The following USH2A variants were observed in gnomAD, a reference collection of about 807,000 sequenced individuals.
The protein encoded by USH2A is Usher syndrome 2A (autosomal recessive, mild).
A neutral mutation model predicts 538.9 loss-of-function variants in USH2A; 443 were observed. The ratio of observed to expected loss-of-function variants is 0.82; its 90% confidence interval spans 0.76 to 0.89. USH2A has a LOEUF of 0.89. Among genes scored for constraint, USH2A ranks in the 40% least tolerant of loss-of-function variants. USH2A has a pLI of 0.00. For missense variants in USH2A, 6,633 were observed against 6,324.8 expected (o/e 1.05, Z -1.65); for synonymous variants, 2,413 against 2,273.5 (o/e 1.06, Z -1.75).
chr1:216,217,687 A>G (rs2102496747), intron 14 of USH2A, 137 bp from the exon 15 acceptor site: 2 of 987,538 alleles, frequency 2.0e-6, no homozygotes, highest in East Asian at 5.3e-5. Context: ...TGCTTGAGCT[A>G]AACAAACAAA....
intron 38 of USH2A, among the ~76,000 whole-genome samples, chr1:215,901,626 T>C (rs570144006): frequency 6.6e-6 from 1 of 152,288 alleles, no homozygotes; most frequent in Non-Finnish European, 1.5e-5. Flanking sequence ...AAATCTGTTC[T>C]GACTTCAACA....
intron 21 of USH2A, among the ~76,000 whole-genome samples, chr1:216,111,470 C>G (rs527275688): frequency 3.9e-4 from 60 of 152,090 alleles, no homozygotes; most frequent in African/African-American, 1.4e-3. Context: ...CTAGGAAACA[C>G]ATGAAATAAA....
chr1:216,308,281 CA>C lies in USH2A; in HGVS notation c.1644+13601del, dbSNP rs941847123. ...GTAAAGTGTTCCACGTAGACATTTG[CA>C]AATTGTTTTCCATAGTGCAGCAGCA... On this transcript the variant is annotated intron_variant, in intron 9 of 71. Coordinates refer to ENST00000307340, the MANE Select transcript of USH2A (RefSeq NM_206933.4). 9.8e-4 allele frequency among the ~76,000 whole-genome samples: 149 copies of C among 152,312 alleles called. 1 individual carries two copies. Among genetic ancestry groups the C allele is most frequent in the African/African-American group, 3.4e-3 (143 of 41,566 alleles).
intron 13 of USH2A, among the ~76,000 whole-genome samples, chr1:216,241,994 T>C (rs1050533455): frequency 6.6e-6 from 1 of 152,194 alleles, no homozygotes; most frequent in African/African-American, 2.4e-5. Flanking sequence ...AGTATTATCG[T>C]ATTTTATTTA....
chr1:215,831,140 C>G (rs913776764), intron 47 of USH2A, among the ~76,000 whole-genome samples: 1 of 152,058 alleles, frequency 6.6e-6, no homozygotes, highest in African/African-American at 2.4e-5. Context: ...CATAATGATA[C>G]AAGAGCCAGT....
At chr1:215,639,695 A>G (rs1656613346) in intron 68 of USH2A, among the ~76,000 whole-genome samples, 1 of 152,208 alleles carries the variant, frequency 6.6e-6, no homozygotes, top group Non-Finnish European at 1.5e-5. Flanking sequence ...GACCCTTGCA[A>G]GGTCACACAG....
At chr1:215,644,104 A>G (rs183601482) in intron 67 of USH2A, among the ~76,000 whole-genome samples, 1 of 152,340 alleles carries the variant, frequency 6.6e-6, no homozygotes, top group Non-Finnish European at 1.5e-5. Context: ...GTGACAAAAA[A>G]TGCTGATTGA....
At chr1:216,384,120 GCTTT>G (rs1213208636) in intron 3 of USH2A, among the ~76,000 whole-genome samples, 2 of 150,892 alleles carry the variant, frequency 1.3e-5, no homozygotes, top group Non-Finnish European at 3.0e-5. Flanking sequence ...CTCTGCCTAT[GCTTT>G]CTTTCTTTTT....
rs189712184 is a variant in USH2A, at chr1:215,842,450, A to G, written c.9258+1844T>C. ...AAACACAATTAGACCCAGCCATCCC[A>G]TTACTGGGTATATACCCAAAGAAAT... On this transcript the variant is annotated intron_variant, in intron 46 of 71. Transcript: ENST00000307340. Among the ~76,000 whole-genome samples, 405 of 152,314 alleles carry G rather than the reference A, an allele frequency of 2.7e-3. 3 individuals carry two copies. The highest frequency in any genetic ancestry group is 2.2e-3 in the Non-Finnish European group (150 of 68,020).
At chr1:216,388,030 T>C (rs550711000) in intron 3 of USH2A, among the ~76,000 whole-genome samples, 6 of 152,268 alleles carry the variant, frequency 3.9e-5, no homozygotes, top group Admixed American at 3.9e-4. Context: ...AATAGCATTA[T>C]TGGAGAAGAG....
intron 14 of USH2A, among the ~76,000 whole-genome samples, chr1:216,225,045 T>C (rs2035534039): frequency 1.3e-5 from 2 of 152,192 alleles, no homozygotes; most frequent in Non-Finnish European, 2.9e-5. Flanking sequence ...AAACATTGTT[T>C]TAACATTAGG....
chr1:216,049,345 A>G (rs2102527328), intron 30 of USH2A, among the ~76,000 whole-genome samples: 1 of 152,318 alleles, frequency 6.6e-6, no homozygotes, highest in South Asian at 2.1e-4. Flanking sequence ...TGGTAGATAT[A>G]TGAGATTTGT....
At chr1:216,413,598 A>G in intron 3 of USH2A, among the ~76,000 whole-genome samples, 1 of 152,094 alleles carries the variant, frequency 6.6e-6, no homozygotes, top group South Asian at 2.1e-4. Flanking sequence ...CCTATCCTTC[A>G]TATATTGATT....
chr1:216,053,496 C>T (rs1450240955), intron 30 of USH2A, among the ~76,000 whole-genome samples: 1 of 141,726 alleles, frequency 7.1e-6, no homozygotes, highest in Non-Finnish European at 1.5e-5. Flanking sequence ...TATTACAAGG[C>T]AGGCCAGATG....
At chr1:215,740,441 C>A (rs1571638160) in intron 60 of USH2A, among the ~76,000 whole-genome samples, 1 of 151,460 alleles carries the variant, frequency 6.6e-6, no homozygotes, top group East Asian at 1.9e-4. Flanking sequence ...TGTCTCTTTT[C>A]TTTATTTTAG....
intron 49 of USH2A, among the ~76,000 whole-genome samples, chr1:215,804,452 C>A (rs1006407189): frequency 1.3e-5 from 2 of 151,796 alleles, no homozygotes; most frequent in African/African-American, 4.9e-5. Flanking sequence ...AAACAAACAA[C>A]CCCATCAAAA....
chr1:216,259,440 G>A (rs2036323614), intron 11 of USH2A, among the ~76,000 whole-genome samples: 1 of 152,016 alleles, frequency 6.6e-6, no homozygotes, highest in Non-Finnish European at 1.5e-5. Context: ...GCCAAATACA[G>A]TAAATTAAAT....
At chr1:215,808,182 T>G (rs1473795904) in intron 49 of USH2A, among the ~76,000 whole-genome samples, 3 of 152,150 alleles carry the variant, frequency 2.0e-5, no homozygotes, top group Admixed American at 2.0e-4. Flanking sequence ...CTAAGACATT[T>G]TTGCTTTCTT....
At chr1:215,801,857 C>G (rs1662344056) in intron 49 of USH2A, among the ~76,000 whole-genome samples, 1 of 152,064 alleles carries the variant, frequency 6.6e-6, no homozygotes, top group Non-Finnish European at 1.5e-5. Context: ...CTCCCACTTT[C>G]TGATTTCAAA....
Sources: gnomAD v4.1 joint callset for allele counts (sites outside exome capture counted in the v4.1 genomes callset) on GRCh38, gnomAD v4.1.1 for gene constraint, MANE v1.5 for transcripts, NCBI Gene and HGNC (gene_info 2026-07-23, HGNC 2026-07-21) for gene names.